SLC24A3: variants seen among roughly 807,000 people sequenced by gnomAD.
The protein encoded by SLC24A3 is sodium/potassium/calcium exchanger 3.
In SLC24A3, 28 loss-of-function variants were observed where a neutral mutation model predicts 75.8. The observed-to-expected ratio is 0.37, with a 90% CI of 0.27 to 0.51. The LOEUF (loss-of-function observed/expected upper bound fraction) is 0.51. Among genes scored for constraint, SLC24A3 ranks in the 20% least tolerant of loss-of-function variants. The probability of loss-of-function intolerance (pLI) is 0.94; values close to 1 mark genes in which losing one functional copy is unlikely to be tolerated. For missense variants in SLC24A3, 663 were observed against 847.8 expected, an observed-to-expected ratio of 0.78 and a Z score of 2.71; for synonymous variants, 372 against 334.1, an observed-to-expected ratio of 1.11 and a Z score of -1.24.
chr20:19,634,163 G>T (rs935038886), intron 6 of SLC24A3, among the ~76,000 whole-genome samples: 4 of 152,142 alleles, frequency 2.6e-5, no homozygotes, highest in Admixed American at 2.6e-4. Context: ...CATGGTAGTG[G>T]TGTTTATGTG....
At chr20:19,679,790 A>T (rs937773189) in intron 9 of SLC24A3, among the ~76,000 whole-genome samples, 9 of 152,242 alleles carry the variant, frequency 5.9e-5, no homozygotes, top group Non-Finnish European at 8.8e-5. Flanking sequence ...TAAATATTTT[A>T]AAAATGAGAA....
At chr20:19,680,903 G>A (rs1041556190) in intron 9 of SLC24A3, among the ~76,000 whole-genome samples, 2 of 152,202 alleles carry the variant, frequency 1.3e-5, no homozygotes, top group Non-Finnish European at 2.9e-5. Context: ...GCAACTTACG[G>A]TCACCATGCC....
At chr20:19,481,054 A>C (rs1988044118) in intron 2 of SLC24A3, among the ~76,000 whole-genome samples, 1 of 152,202 alleles carries the variant, frequency 6.6e-6, no homozygotes, top group Admixed American at 6.5e-5. Context: ...GCACAATCAT[A>C]GAAGTAGTGG....
intron 2 of SLC24A3, among the ~76,000 whole-genome samples, chr20:19,414,695 A>T (rs1986798091): frequency 6.6e-6 from 1 of 152,200 alleles, no homozygotes. Flanking sequence ...CCAGGTTTTC[A>T]GAAAGGGTAT....
intron 6 of SLC24A3, among the ~76,000 whole-genome samples, chr20:19,633,795 T>G (rs867373569): frequency 1.3e-5 from 2 of 152,076 alleles, no homozygotes; most frequent in Non-Finnish European, 2.9e-5. Flanking sequence ...CCACAACTTA[T>G]GAATTGGGCT....
At chr20:19,611,191 A>G (rs6132222) in intron 6 of SLC24A3, among the ~76,000 whole-genome samples, 93,250 of 152,112 alleles carry the variant, frequency 0.61, 29,926 homozygotes, top group Non-Finnish European at 0.7. Context: ...TGCACTCAAC[A>G]ATGCAGATTC....
intron 1 of SLC24A3, among the ~76,000 whole-genome samples, chr20:19,225,913 G>A (rs1243338975): frequency 6.6e-6 from 1 of 152,078 alleles, no homozygotes; most frequent in Non-Finnish European, 1.5e-5. Context: ...TCCAGGGTTT[G>A]TAATTCCTTT....
chr20:19,491,517 G>A (rs1988208646), intron 2 of SLC24A3, among the ~76,000 whole-genome samples: 2 of 152,164 alleles, frequency 1.3e-5, no homozygotes, highest in Non-Finnish European at 2.9e-5. Context: ...GGTTGCCTGA[G>A]CTTCCAGTCA....
At chr20:19,679,372 A>G (rs1033341798) in intron 9 of SLC24A3, among the ~76,000 whole-genome samples, 3 of 152,146 alleles carry the variant, frequency 2.0e-5, no homozygotes, top group East Asian at 1.9e-4. Context: ...GCGTGGCGGC[A>G]CGCACCTGCA....
At chr20:19,323,232 A>G (rs1984757022) in intron 2 of SLC24A3, among the ~76,000 whole-genome samples, 2 of 151,470 alleles carry the variant, frequency 1.3e-5, no homozygotes, top group African/African-American at 2.4e-5. Context: ...AAAAAGAAGA[A>G]GAAATATAAC....
chr20:19,626,105 T>C (rs1288130914), intron 6 of SLC24A3, among the ~76,000 whole-genome samples: 1 of 152,170 alleles, frequency 6.6e-6, no homozygotes, highest in Non-Finnish European at 1.5e-5. Flanking sequence ...CTTGGATTCA[T>C]AAAACATTAA....
intron 2 of SLC24A3, among the ~76,000 whole-genome samples, chr20:19,352,277 C>T (rs1985587549): frequency 6.6e-6 from 1 of 152,276 alleles, no homozygotes; most frequent in Admixed American, 6.5e-5. Flanking sequence ...AGGCCCTATC[C>T]AGGGGGCCCT....
intron 2 of SLC24A3, among the ~76,000 whole-genome samples, chr20:19,348,960 C>T (rs1985500239): frequency 6.6e-6 from 1 of 152,142 alleles, no homozygotes; most frequent in African/African-American, 2.4e-5. Flanking sequence ...TGACACCCAG[C>T]ATATCCTGCT....
intron 12 of SLC24A3, among the ~76,000 whole-genome samples, chr20:19,686,273 G>A (rs1295672977): frequency 1.3e-5 from 2 of 152,154 alleles, no homozygotes; most frequent in East Asian, 3.9e-4. Flanking sequence ...AGGCCAGCCT[G>A]GTGGATGCCA....
chr20:19,405,258 G>A (rs1358772353), intron 2 of SLC24A3, among the ~76,000 whole-genome samples: 2 of 152,174 alleles, frequency 1.3e-5, no homozygotes, highest in African/African-American at 4.8e-5. Flanking sequence ...TGAGAGGTTA[G>A]TTGGCGTGAC....
At chr20:19,613,618 C>T (rs2031699433) in intron 6 of SLC24A3, among the ~76,000 whole-genome samples, 1 of 152,116 alleles carries the variant, frequency 6.6e-6, no homozygotes. Context: ...TGATGGAAAC[C>T]GTTCTCTGCC....
intron 6 of SLC24A3, among the ~76,000 whole-genome samples, chr20:19,653,386 A>G (rs1225824278): frequency 6.6e-6 from 1 of 152,212 alleles, no homozygotes; most frequent in Admixed American, 6.5e-5. Flanking sequence ...ATCAGTATGC[A>G]AATCAATCTT....
At chr20:19,276,747 A>G (rs1983499786) in intron 1 of SLC24A3, among the ~76,000 whole-genome samples, 1 of 152,140 alleles carries the variant, frequency 6.6e-6, no homozygotes, top group African/African-American at 2.4e-5. Flanking sequence ...TCTACAAAAA[A>G]TAATAAAATT....
chr20:19,688,976 A>G (rs2032714313), intron 12 of SLC24A3, among the ~76,000 whole-genome samples: 1 of 152,144 alleles, frequency 6.6e-6, no homozygotes, highest in South Asian at 2.1e-4. Flanking sequence ...TATACACACA[A>G]TATACACATA....
Sources: allele counts gnomAD v4.1 joint callset (sites outside exome capture counted in the v4.1 genomes callset), GRCh38; gene constraint gnomAD v4.1.1; transcripts MANE v1.5; gene names NCBI Gene and HGNC (gene_info 2026-07-23, HGNC 2026-07-21).